The following MMP1 variants were observed in gnomAD, a reference collection of about 807,000 sequenced individuals.
MMP1 encodes interstitial collagenase.
Under a neutral mutation model 49.6 loss-of-function variants are expected in MMP1, and 51 were observed. The observed-to-expected ratio is 1.03, with a 90% CI of 0.82 to 1.30. The LOEUF is 1.30. Ranked by LOEUF, MMP1 falls within the 50% of genes most tolerant of loss-of-function variation. The pLI is 0.00. For synonymous variants in MMP1, 230 were observed against 196.8 expected (o/e 1.17, Z -1.41); for missense variants, 623 against 568.7 (o/e 1.10, Z -0.97).
chr11:102,797,800 T>A (rs758936298), intron 1 of MMP1, among the ~76,000 whole-genome samples, 188 bp downstream of exon 1: 1 of 152,008 alleles, frequency 6.6e-6, no homozygotes, highest in Admixed American at 6.6e-5. Flanking sequence ...TTTAGTTCAC[T>A]CTCACCTCCA....
At position 102,794,389 on chromosome 11, in the gene MMP1, A is replaced by C. The variant is rs573101937; in HGVS notation, c.899+785T>G. Among the ~76,000 whole-genome samples the C allele has an allele frequency of 6.6e-6, 1 of 152,318 alleles. No homozygotes were observed. Among genetic ancestry groups the C allele is most frequent in the African/African-American group, 2.4e-5 (1 of 41,572 alleles). On this transcript the variant is annotated intron_variant, in intron 6 of 9. Transcript: ENST00000315274. The surrounding 1 kb of genome is among the most constrained non-coding windows in gnomAD (Gnocchi z 4.3). ...AAATGCGGTGTGCAATAACACACCA[A>C]AAGAGTGTGTTATTATTTTGCCTGA...
intron 7 of MMP1, 112 bp downstream of exon 7, chr11:102,792,493 T>C (rs1466098777): frequency 1.8e-6 from 2 of 1,092,262 alleles, no homozygotes; most frequent in Non-Finnish European, 2.6e-6. Context: ...TTGGTGAGAC[T>C]GAGATTTTCA....
chr11:102,790,853 G>A (rs774010438), intron 8 of MMP1, 47 bp from the exon 9 acceptor site: 1 of 1,021,118 alleles, frequency 9.8e-7, no homozygotes, highest in African/African-American at 1.6e-5. Context: ...CTAAACATGT[G>A]CACTCTGAAA....
Position 102,795,858 on chromosome 11 carries a change from G to A in MMP1, c.626-251C>T, listed in dbSNP as rs530266635. On this transcript the variant is annotated intron_variant, in intron 4 of 9. Coordinates refer to ENST00000315274, the MANE Select transcript of MMP1 (RefSeq NM_002421.4). ...AAGACAAACTCAGCTGACTGAAAGC[G>A]CACCACAGATTAATCAATATTATCA... Among the ~76,000 whole-genome samples the A allele has an allele frequency of 8.5e-5, 13 of 152,258 alleles. No individual in the cohort carries two copies. The East Asian group carries it at 9.6e-4, about 11-fold the overall frequency.
Position 102,795,280 on chromosome 11 carries a change from T to C in MMP1, c.793A>G (p.Asn265Asp). The C allele has an allele frequency of 1.2e-6, 2 of 1,614,028 alleles. No individual in the cohort carries two copies. The highest frequency in any genetic ancestry group is 1.7e-6 in the Non-Finnish European group (2 of 1,179,988). ...GIQAIYGRSQ[N>D]PVQPIGPQTP... is the part of the protein sequence containing the mutation. The stretch of plus-strand genomic sequence containing the variant: ...TGTGGGCCGATGGGCTGGACAGGAT[T>C]TTGGGAACGTCCTAAGGAAAATAAA... The change falls in exon 6 of 10, where the codon AAT becomes GAT. Residue 265 changes from asparagine (N) to aspartate (D), a missense_variant. Coordinates refer to ENST00000315274, the MANE Select transcript of MMP1 (RefSeq NM_002421.4).
At position 102,795,521 on chromosome 11, in the gene MMP1, G is replaced by C; in HGVS notation, c.712C>G (p.Pro238Ala). Reference sequence around the variant, plus strand: ...ACATCACCACTGAAGGTGTAGCTAGGGTACATCAAAGCCCCGATATCAGTA... The same window carrying C: ...ACATCACCACTGAAGGTGTAGCTAGCGTACATCAAAGCCCCGATATCAGTA... ...HSTDIGALMY[P>A]SYTFSGDVQL... Residue 238 changes from proline to alanine, a missense_variant, in exon 5 of 10, where the codon CCT becomes GCT. Pro to Ala is a conservative substitution (Grantham distance 27). Transcript: ENST00000315274. The C allele has an allele frequency of 6.2e-7, 1 of 1,613,944 alleles. No homozygotes were observed. Among genetic ancestry groups the C allele is most frequent in the Middle Eastern group, 1.7e-4 (1 of 6,060 alleles).
rs1248745895 is a variant in MMP1 at position 102,790,779 on chromosome 11, A to G, written c.1224T>C (p.Asp408=). The G allele has an allele frequency of 6.2e-7, 1 of 1,612,460 alleles. No homozygotes were observed. The highest frequency in any genetic ancestry group is 8.5e-7 in the Non-Finnish European group (1 of 1,178,546). ...WRYDEYKRSM[D]PGYPKMIAHD... The stretch of plus-strand genomic sequence containing the variant: ...GTGCTATCATTTTGGGATAACCTGG[A>G]TCCATAGATCGTTTATATTCATCAT... The change falls in exon 9 of 10, where the codon GAT becomes GAC. Residue 408 remains aspartate (D), a synonymous_variant. Transcript: ENST00000315274.
rs1357931623 is a variant in MMP1, at chr11:102,794,727, A to T, written c.899+447T>A. ...GAGATAATTAAAGGATGGCTATGCA[A>T]CCCTCATCAGTGAGATGTTGCTATG... On this transcript the variant is annotated intron_variant, in intron 6 of 9. Coordinates refer to ENST00000315274, the MANE Select transcript of MMP1 (RefSeq NM_002421.4). The surrounding 1 kb of genome is among the most constrained non-coding windows in gnomAD (Gnocchi z 4.3). Among the ~76,000 whole-genome samples the T allele has an allele frequency of 6.6e-6, 1 of 152,176 alleles. No individual in the cohort carries two copies. The highest frequency in any genetic ancestry group is 1.5e-5 in the Non-Finnish European group (1 of 68,040).
In MMP1 at chr11:102,790,279, G is replaced by A. The variant is rs977790624; in HGVS notation, c.*133C>T. 5.6e-6 allele frequency: 3 copies of A among 538,154 alleles called. No individual in the cohort carries two copies. Among genetic ancestry groups the A allele is most frequent in the Non-Finnish European group, 9.9e-6 (3 of 303,098 alleles). The allele number at this position is 538,154 out of a possible 1,614,324, so 33.3% of individuals were successfully genotyped here. On this transcript the variant is annotated 3_prime_UTR_variant, in exon 10 of 10. Transcript: ENST00000315274. ...TAAATAGTAAAAAAATATGCAAACT[G>A]AGGTATAAATAAGATTATATTCTGT...
chr11:102,790,744 G>A lies in MMP1; in HGVS notation c.1259C>T (p.Pro420Leu), dbSNP rs1343999659. Residue 420 changes from proline to leucine, a missense_variant, in exon 9 of 10, where the codon CCT becomes CTT. Transcript: ENST00000315274. ...TGCATCAACTTTGTGGCCAATTCCA[G>A]GAAAGTCATGTGCTATCATTTTGGG... is the stretch of plus-strand genomic sequence containing the variant. ...GYPKMIAHDF[P>L]GIGHKVDAVF... 6.2e-7 allele frequency: 1 copy of A among 1,613,418 alleles called. No homozygotes were observed. Among genetic ancestry groups the A allele is most frequent in the African/African-American group, 1.3e-5 (1 of 74,886 alleles).
chr11:102,790,556 A>G, intron 9 of MMP1, 35 bp from the exon 10 acceptor site: 1 of 1,394,898 alleles, frequency 7.2e-7, no homozygotes, highest in East Asian at 2.3e-5. Flanking sequence ...ACTACATTAT[A>G]CAAGTAGTTT....
At chr11:102,791,215 C>A in intron 8 of MMP1, 118 bp downstream of exon 8, 1 of 1,005,668 alleles carries the variant, frequency 9.9e-7, no homozygotes, top group Non-Finnish European at 1.5e-6. Flanking sequence ...TTGGCACCAG[C>A]CATCTGAAGG....
rs758065111 is a variant in MMP1, at chr11:102,794,003, A to G, written c.899+1171T>C. ...GTCTCCTCGACATGGCGACATTTAA[A>G]TGATCTCTGTGTCCTTTCAATTCTG... On this transcript the variant is annotated intron_variant, in intron 6 of 9. Transcript: ENST00000315274. The surrounding 1 kb of genome is among the most constrained non-coding windows in gnomAD (Gnocchi z 4.3). Among the ~76,000 whole-genome samples the G allele has an allele frequency of 6.6e-5, 10 of 152,174 alleles. No homozygotes were observed. Among genetic ancestry groups the G allele is most frequent in the Non-Finnish European group, 1.5e-4 (10 of 68,036 alleles).
chr11:102,796,157 G>GA (rs1285096479), intron 4 of MMP1, among the ~76,000 whole-genome samples: 3 of 152,082 alleles, frequency 2.0e-5, no homozygotes, highest in Non-Finnish European at 4.4e-5. Flanking sequence ...CACCATATTG[G>GA]TCAGGCTGGT....
intron 7 of MMP1, 146 bp from the exon 8 acceptor site, chr11:102,791,641 G>A (rs1238351788): frequency 2.5e-6 from 2 of 812,220 alleles, no homozygotes; most frequent in Non-Finnish European, 3.9e-6. Context: ...TGAAAATACT[G>A]ATGCCAGGAC....
intron 7 of MMP1, 50 bp from the exon 8 acceptor site, chr11:102,791,545 C>G: frequency 1.3e-6 from 2 of 1,592,090 alleles, no homozygotes; most frequent in Non-Finnish European, 1.7e-6. Flanking sequence ...CTTCAATAGG[C>G]AGTAAGTGAA....
chr11:102,791,183 A>G, intron 8 of MMP1, 150 bp downstream of exon 8: 1 of 753,866 alleles, frequency 1.3e-6, no homozygotes, highest in African/African-American at 1.8e-5. Flanking sequence ...ATTATTGGTC[A>G]ATAGACTAAA....
Position 102,790,333 on chromosome 11 carries a change from A to T in MMP1, c.*79T>A. ...TCAGTGACTCTAGAGGTTAAAAATG[A>T]CTGAGAAAATAGACAGTTCTTCAGG... On this transcript the variant is annotated 3_prime_UTR_variant, in exon 10 of 10. Coordinates refer to ENST00000315274, the MANE Select transcript of MMP1 (RefSeq NM_002421.4). 1 of 789,320 alleles carries T rather than the reference A, an allele frequency of 1.3e-6. No individual in the cohort carries two copies. Among genetic ancestry groups the T allele is most frequent in the Non-Finnish European group, 2.1e-6 (1 of 480,162 alleles). The allele number at this position is 789,320 out of a possible 1,614,324, so 48.9% of individuals were successfully genotyped here.
chr11:102,791,549 A>C, intron 7 of MMP1, 54 bp from the exon 8 acceptor site: 1 of 1,581,428 alleles, frequency 6.3e-7, no homozygotes. Context: ...AATAGGCAGT[A>C]AGTGAATTTT....
Sources: gnomAD v4.1 joint callset for allele counts (sites outside exome capture counted in the v4.1 genomes callset) on GRCh38, gnomAD v4.1.1 for gene constraint, Gnocchi (gnomAD v3.1) non-coding constraint, MANE v1.5 for transcripts, NCBI Gene and HGNC (gene_info 2026-07-23, HGNC 2026-07-21) for gene names.